The following IL1RAPL2 variants were observed in gnomAD, a reference collection of about 807,000 sequenced individuals.
IL1RAPL2 encodes interleukin 1 receptor accessory protein like 2.
A neutral mutation model predicts 44.1 loss-of-function variants in IL1RAPL2; 3 were observed. The observed-to-expected ratio is 0.07, with a 90% CI of 0.03 to 0.18. The LOEUF is 0.18. Ranked by LOEUF, IL1RAPL2 falls within the 10% of genes least tolerant of loss-of-function variation. IL1RAPL2 has a pLI of 1.00. For synonymous variants in IL1RAPL2, 181 were observed against 178.8 expected (o/e 1.01, Z -0.10); for missense variants, 391 against 496.4 (o/e 0.79, Z 2.02).
chrX:104,628,089 G>A (rs372696712), intron 1 of IL1RAPL2, among the ~76,000 whole-genome samples: 30 of 110,479 alleles, frequency 2.7e-4, no homozygotes, highest in African/African-American at 9.8e-4. Context: ...CATATGTATG[G>A]GGTACATGTG....
intron 2 of IL1RAPL2, among the ~76,000 whole-genome samples, chrX:104,671,116 A>G (rs1164443427): frequency 9.0e-6 from 1 of 111,111 alleles, no homozygotes; most frequent in Admixed American, 9.6e-5. Flanking sequence ...TAATTTTTAT[A>G]TAAATATAAA....
chrX:105,308,068 A>G (rs758280099), intron 5 of IL1RAPL2, among the ~76,000 whole-genome samples: 25 of 110,772 alleles, frequency 2.3e-4, no homozygotes, highest in South Asian at 3.8e-4. Flanking sequence ...TTCTCAGTGA[A>G]CAGGGTGAAA....
chrX:105,260,832 C>T (rs1166110114), intron 4 of IL1RAPL2, among the ~76,000 whole-genome samples: 2 of 112,512 alleles, frequency 1.8e-5, no homozygotes, highest in Non-Finnish European at 3.8e-5. Context: ...GCCCTGGGAG[C>T]TCCTTTTTAG....
At chrX:104,948,815 T>A (rs1250579766) in intron 2 of IL1RAPL2, among the ~76,000 whole-genome samples, 119 of 109,810 alleles carry the variant, frequency 1.1e-3, no homozygotes, top group Non-Finnish European at 6.9e-4. Context: ...CTGGATTCGG[T>A]TTGCCAGTAT....
chrX:105,468,523 G>C (rs768459112), intron 5 of IL1RAPL2, among the ~76,000 whole-genome samples: 1 of 112,096 alleles, frequency 8.9e-6, no homozygotes, highest in South Asian at 3.7e-4. Context: ...TGAATGCCCT[G>C]ATGTTACTCT....
chrX:105,582,993 G>T (rs768490651), intron 6 of IL1RAPL2, among the ~76,000 whole-genome samples: 76 of 110,814 alleles, frequency 6.9e-4, no homozygotes, highest in Admixed American at 1.8e-3. Flanking sequence ...AAGTTGGGAA[G>T]TTCTCATTTC....
At chrX:105,280,840 G>A (rs1349680426) in intron 5 of IL1RAPL2, among the ~76,000 whole-genome samples, 1 of 111,506 alleles carries the variant, frequency 9.0e-6, no homozygotes. Context: ...GTGTAAATTA[G>A]TTCAACCATT....
intron 2 of IL1RAPL2, among the ~76,000 whole-genome samples, chrX:104,903,446 T>TA (rs61087559): frequency 0.065 from 6,864 of 106,066 alleles, 547 homozygotes; most frequent in African/African-American, 0.22. Flanking sequence ...AACACCATAG[T>TA]AAAAAAAAAA....
chrX:104,717,888 G>A (rs5916819), intron 2 of IL1RAPL2, among the ~76,000 whole-genome samples: 39,365 of 108,454 alleles, frequency 0.36, 5,795 homozygotes, highest in East Asian at 0.46. Flanking sequence ...AGTTTGCTGC[G>A]AATGATGGTT....
At chrX:105,564,753 G>A (rs1188565144) in intron 6 of IL1RAPL2, among the ~76,000 whole-genome samples, 1 of 111,709 alleles carries the variant, frequency 9.0e-6, no homozygotes, top group Non-Finnish European at 1.9e-5. Flanking sequence ...GATCACTGTG[G>A]GATGAGGTTG....
At chrX:104,681,256 C>T (rs1420920611) in intron 2 of IL1RAPL2, among the ~76,000 whole-genome samples, 1 of 112,055 alleles carries the variant, frequency 8.9e-6, no homozygotes, top group African/African-American at 3.2e-5. Context: ...ACATCAAATA[C>T]AGAAAAACTT....
intron 5 of IL1RAPL2, among the ~76,000 whole-genome samples, chrX:105,388,046 G>A (rs2035490379): frequency 9.6e-6 from 1 of 103,805 alleles, no homozygotes; most frequent in Non-Finnish European, 2.0e-5. Flanking sequence ...TACTAGGGAG[G>A]CTGAGGCAGG....
At chrX:105,271,463 G>C (rs895906194) in intron 5 of IL1RAPL2, among the ~76,000 whole-genome samples, 1 of 111,155 alleles carries the variant, frequency 9.0e-6, no homozygotes, top group Non-Finnish European at 1.9e-5. Context: ...TTGTGCGGAG[G>C]GTTAATTGAA....
chrX:105,549,164 G>T (rs1194690194), intron 6 of IL1RAPL2, among the ~76,000 whole-genome samples: 1 of 111,847 alleles, frequency 8.9e-6, no homozygotes, highest in Non-Finnish European at 1.9e-5. Context: ...TGAGGTGTGT[G>T]TATGTGTATA....
At chrX:105,089,679 G>A (rs1476503345) in intron 2 of IL1RAPL2, among the ~76,000 whole-genome samples, 1 of 111,825 alleles carries the variant, frequency 8.9e-6, no homozygotes, top group East Asian at 2.8e-4. Context: ...TAGCCAGTGT[G>A]AGTATAATGA....
At chrX:104,586,312 T>G (rs967314763) in intron 1 of IL1RAPL2, among the ~76,000 whole-genome samples, 3 of 111,942 alleles carry the variant, frequency 2.7e-5, no homozygotes, top group Non-Finnish European at 5.6e-5. Flanking sequence ...GCTTTAAAAT[T>G]TGTTTAATCC....
intron 6 of IL1RAPL2, among the ~76,000 whole-genome samples, chrX:105,542,270 A>G (rs1345370696): frequency 8.9e-6 from 1 of 112,227 alleles, no homozygotes; most frequent in East Asian, 2.8e-4. Context: ...AGAAAGGTGA[A>G]TAACACACAG....
At chrX:104,713,197 G>T (rs770488658) in intron 2 of IL1RAPL2, among the ~76,000 whole-genome samples, 2 of 110,389 alleles carry the variant, frequency 1.8e-5, no homozygotes, top group Non-Finnish European at 3.8e-5. Flanking sequence ...TAACTTTCAG[G>T]TTTAGGATGG....
chrX:104,643,181 G>A (rs1929968044), intron 1 of IL1RAPL2, among the ~76,000 whole-genome samples: 1 of 111,395 alleles, frequency 9.0e-6, no homozygotes, highest in Non-Finnish European at 1.9e-5. Context: ...AGCAAAAGGG[G>A]GATCAAAAAA....
Sources: gnomAD v4.1 joint callset for allele counts (sites outside exome capture counted in the v4.1 genomes callset) on GRCh38, gnomAD v4.1.1 for gene constraint, MANE v1.5 for transcripts, NCBI Gene and HGNC (gene_info 2026-07-23, HGNC 2026-07-21) for gene names.